The following MYH1 variants were observed in gnomAD, a reference collection of about 807,000 sequenced individuals.
The protein encoded by MYH1 is myosin heavy chain 1.
A neutral mutation model predicts 225.6 loss-of-function variants in MYH1; 214 were observed. The observed-to-expected ratio is 0.95, with a 90% CI of 0.85 to 1.06. The LOEUF is 1.06. MYH1 is among the 50% of genes least tolerant of loss of function. MYH1 has a pLI of 0.00. For missense variants in MYH1, 2,098 were observed against 2,344.2 expected (o/e 0.89, Z 2.17); for synonymous variants, 774 against 842.3 (o/e 0.92, Z 1.40).
chr17:10,516,035 C>A lies in MYH1; in HGVS notation c.396G>T (p.Leu132Phe). 1 of 1,614,198 alleles carries A rather than the reference C, an allele frequency of 6.2e-7. No individual in the cohort carries two copies. Among genetic ancestry groups the A allele is most frequent in the Non-Finnish European group, 8.5e-7 (1 of 1,180,028 alleles). ...TCACCACCTCTGCATTATACACTGG[C>A]AACCACTTGTAGGGGTTGACAGTGA... ...FCVTVNPYKWLPVYNAEVVTA... is the reference protein window; with the variant it reads ...FCVTVNPYKWFPVYNAEVVTA... Residue 132 changes from leucine to phenylalanine, a missense_variant, in exon 5 of 40, where the codon TTG becomes TTT. Physicochemically the swap from Leu to Phe is conservative, Grantham distance 22 (BLOSUM62 0). Coordinates refer to ENST00000226207, the MANE Select transcript of MYH1 (RefSeq NM_005963.4).
At chr17:10,494,871 A>G (rs2142253307) in intron 37 of MYH1, 60 bp downstream of exon 37, 9 of 1,613,770 alleles carry the variant, frequency 5.6e-6, no homozygotes, top group Non-Finnish European at 6.8e-6. Flanking sequence ...AGTGCTAGGT[A>G]TTCAGAATCG....
At chr17:10,500,376 A>G (rs922386615) in intron 28 of MYH1, among the ~76,000 whole-genome samples, 4 of 150,484 alleles carry the variant, frequency 2.7e-5, no homozygotes, top group Non-Finnish European at 3.0e-5. Context: ...ATATATATAT[A>G]TATGTATGTA....
Position 10,505,856 on chromosome 17 carries a change from C to T in MYH1, c.2130G>A (p.Arg710=), listed in dbSNP as rs1204245669. The stretch of plus-strand genomic sequence containing the variant: ...AAAGGATTCTGCTTGGGAAGCCTTT[C>T]CTGCAGATGCGGATGCCTTCCAGCA... ...NGVLEGIRIC[R]KGFPSRILYA... Residue 710 remains arginine (R), a synonymous_variant, in exon 19 of 40, where the codon AGG becomes AGA. Coordinates refer to ENST00000226207, the MANE Select transcript of MYH1 (RefSeq NM_005963.4). The T allele has an allele frequency of 2.5e-6, 4 of 1,614,098 alleles. No homozygotes were observed. The highest frequency in any genetic ancestry group is 1.7e-5 in the Admixed American group (1 of 60,020).
Position 10,504,981 on chromosome 17 carries a change from G to C in MYH1, c.2520C>G (p.Ile840Met). The C allele has an allele frequency of 6.2e-7, 1 of 1,614,078 alleles. No individual in the cohort carries two copies. The highest frequency in any genetic ancestry group is 8.5e-7 in the Non-Finnish European group (1 of 1,180,026). Residue 840 changes from isoleucine (I) to methionine (M), a missense_variant, in exon 22 of 40, where the codon ATC becomes ATG. Transcript: ENST00000226207. ...TCTCTGCACTTTTGAGGAGGGGTTT[G>C]ATCTTGAAATACAGCTTCATCCAGG... ...HWPWMKLYFK[I>M]KPLLKSAETE...
intron 19 of MYH1, 108 bp downstream of exon 19, chr17:10,505,704 T>C: frequency 6.8e-7 from 1 of 1,480,454 alleles, no homozygotes; most frequent in Non-Finnish European, 9.2e-7. Flanking sequence ...GTTAAGTGAG[T>C]TTATCTTCTC....
At chr17:10,509,975 G>A (rs573061699) in intron 14 of MYH1, among the ~76,000 whole-genome samples, 22 of 152,212 alleles carry the variant, frequency 1.4e-4, no homozygotes, top group African/African-American at 4.6e-4. Flanking sequence ...GGAGCTAAAT[G>A]ATGAGAACAC....
At chr17:10,496,657 A>C in intron 33 of MYH1, 108 bp from the exon 34 acceptor site, 2 of 1,509,658 alleles carry the variant, frequency 1.3e-6, no homozygotes, top group Middle Eastern at 1.7e-4. Flanking sequence ...TAGATTTCTA[A>C]GTAGTAGTAA....
At chr17:10,496,186 A>G in intron 34 of MYH1, 33 bp from the exon 35 acceptor site, 6 of 1,614,144 alleles carry the variant, frequency 3.7e-6, no homozygotes, top group Non-Finnish European at 5.1e-6. Flanking sequence ...GACACCATGT[A>G]TTCAGGGTTG....
At chr17:10,512,232 T>G (rs1167728830) in intron 12 of MYH1, 40 bp from the exon 13 acceptor site, 1 of 1,601,128 alleles carries the variant, frequency 6.2e-7, no homozygotes, top group Non-Finnish European at 8.6e-7. Context: ...TGACTTACTC[T>G]GGGACCCACA....
intron 16 of MYH1, 58 bp from the exon 17 acceptor site, chr17:10,508,014 T>C: frequency 7.5e-7 from 1 of 1,334,730 alleles, no homozygotes; most frequent in Non-Finnish European, 1.0e-6. Flanking sequence ...GGTTTTTTTT[T>C]TTTGTTTTTT....
Position 10,514,052 on chromosome 17 carries a change from A to G in MYH1, c.606T>C (p.Thr202=). ...TAACTTCTTCCTTCTTCTTCTCCCCAGTAACTGCAATTGTTGCAAAGTACT... is the reference window on the plus strand; with the variant it reads ...TAACTTCTTCCTTCTTCTTCTCCCCGGTAACTGCAATTGTTGCAAAGTACT... ...VIQYFATIAV[T]GEKKKEEVTS... is the part of the protein sequence containing the mutation. Residue 202 remains threonine (T), a synonymous_variant, in exon 7 of 40, where the codon ACT becomes ACC. Coordinates refer to ENST00000226207, the MANE Select transcript of MYH1 (RefSeq NM_005963.4). 6.2e-7 allele frequency: 1 copy of G among 1,614,168 alleles called. No homozygotes were observed. The highest frequency in any genetic ancestry group is 8.5e-7 in the Non-Finnish European group (1 of 1,180,014).
At chr17:10,502,171 A>G (rs993016496) in intron 24 of MYH1, among the ~76,000 whole-genome samples, 5 of 152,204 alleles carry the variant, frequency 3.3e-5, no homozygotes, top group East Asian at 3.8e-4. Flanking sequence ...CTGGAATCCA[A>G]TACTTTTCCA....
intron 5 of MYH1, among the ~76,000 whole-genome samples, chr17:10,515,460 TA>T: frequency 2.0e-5 from 3 of 152,324 alleles, no homozygotes. Flanking sequence ...AAACAGAGGA[TA>T]TTATATCTGA....
chr17:10,502,781 G>A lies in MYH1; in HGVS notation c.3068C>T (p.Thr1023Ile). The change falls in exon 24 of 40, where the codon ACC becomes ATC. Residue 1023 changes from threonine to isoleucine, a missense_variant. By Grantham distance (89) the Thr-to-Ile change is moderately conservative. Coordinates refer to ENST00000226207, the MANE Select transcript of MYH1 (RefSeq NM_005963.4). ...DLQAEEDKVN[T>I]LTKAKIKLEQ... ...AAGTTTGATTTTAGCTTTGGTCAGG[G>A]TGTTGACTTTGTCCTCCTCTGCCTG... 1.9e-6 allele frequency: 3 copies of A among 1,614,054 alleles called. No individual in the cohort carries two copies. The highest frequency in any genetic ancestry group is 2.2e-5 in the South Asian group (2 of 91,068).
Position 10,498,694 on chromosome 17 carries a change from C to T in MYH1, c.4113G>A (p.Glu1371=), listed in dbSNP as rs1567716176. ...CATATTTGGTCCTCCACTGGGCAAC[C>T]TCACTGTTGGCCTTGGACATTGCTC... ...LQRAMSKANS[E]VAQWRTKYET... is the part of the protein sequence containing the mutation. The change falls in exon 30 of 40, where the codon GAG becomes GAA. Residue 1371 remains glutamate (E), a synonymous_variant. Transcript: ENST00000226207. 1 of 1,614,040 alleles carries T rather than the reference C, an allele frequency of 6.2e-7. No homozygotes were observed. The highest frequency in any genetic ancestry group is 8.5e-7 in the Non-Finnish European group (1 of 1,179,896).
In MYH1 at chr17:10,497,409, T is replaced by C. The variant is rs1416369023; in HGVS notation, c.4409A>G (p.Glu1470Gly). Residue 1470 changes from glutamate to glycine, a missense_variant, in exon 32 of 40, where the codon GAA (glutamate) becomes GGA (glycine). Physicochemically the swap from Glu to Gly is moderately conservative, Grantham distance 98. Transcript: ENST00000226207. ...WKQKCEETHA[E>G]LEASQKESRS... Reference sequence around the variant, plus strand: ...GGATTCCTTTTGAGAAGCTTCAAGTTCAGCATGAGTTTCTTCACACTTCTG... The same window carrying C: ...GGATTCCTTTTGAGAAGCTTCAAGTCCAGCATGAGTTTCTTCACACTTCTG... The C allele has an allele frequency of 6.2e-7, 1 of 1,612,426 alleles. No homozygotes were observed. The highest frequency in any genetic ancestry group is 1.1e-5 in the South Asian group (1 of 90,476).
At position 10,499,013 on chromosome 17, in the gene MYH1, C is replaced by T; in HGVS notation, c.3945G>A (p.Gln1315=). The T allele has an allele frequency of 6.2e-7, 1 of 1,614,090 alleles. No individual in the cohort carries two copies. Among genetic ancestry groups the T allele is most frequent in the Non-Finnish European group, 8.5e-7 (1 of 1,179,924 alleles). Residue 1315 remains glutamine (Q), a synonymous_variant, in exon 29 of 40, where the codon CAG becomes CAA. Coordinates refer to ENST00000226207, the MANE Select transcript of MYH1 (RefSeq NM_005963.4). The stretch of plus-strand genomic sequence containing the variant: ...CAAGTTGCCTTTTCAGTTCCTCAAT[C>T]TGTTGTGTAAAGGCTTGTTTGCCCC... The part of the protein sequence containing the change: ...LSRGKQAFTQ[Q]IEELKRQLEE...
chr17:10,505,423 T>C lies in MYH1; in HGVS notation c.2263A>G (p.Ile755Val). 6.2e-7 allele frequency: 1 copy of C among 1,614,246 alleles called. No homozygotes were observed. The change falls in exon 20 of 40, where the codon ATT becomes GTT. Residue 755 changes from isoleucine (I) to valine (V), a missense_variant. By Grantham distance (29) the Ile-to-Val change is conservative (BLOSUM62 3). Transcript: ENST00000226207. The stretch of plus-strand genomic sequence containing the variant: ...CCAAATTTATACTGGGTGTGGTCAA[T>C]GTCAATGGACCCCAGGAGCTTCTCT... ...ASEKLLGSID[I>V]DHTQYKFGHT...
In MYH1 at chr17:10,502,754, TC is replaced by T. The variant is rs796424850; in HGVS notation, c.3094del (p.Glu1032AsnfsTer21). ...TAGGCTTACATCATCCACTTGTTGTTCAAGTTTGATTTTAGCTTTGGTCAGG... is the reference window on the plus strand; with the variant it reads ...TAGGCTTACATCATCCACTTGTTGTTAAGTTTGATTTTAGCTTTGGTCAGG... ...NTLTKAKIKL[E>X]QQVDDLEGSL... On this transcript the variant is annotated frameshift_variant, in exon 24 of 40. Coordinates refer to ENST00000226207, the MANE Select transcript of MYH1 (RefSeq NM_005963.4). LOFTEE classifies it high-confidence loss of function. The T allele has an allele frequency of 2.5e-6, 4 of 1,614,172 alleles. No homozygotes were observed. In the African/African-American group the frequency reaches 5.3e-5, roughly 22 times the overall value.
Sources: gnomAD v4.1 joint callset for allele counts (sites outside exome capture counted in the v4.1 genomes callset) on GRCh38, gnomAD v4.1.1 for gene constraint, MANE v1.5 for transcripts, NCBI Gene and HGNC (gene_info 2026-07-23, HGNC 2026-07-21) for gene names.